Variants in SAMTOR observed in about 807,000 individuals in gnomAD.
SAMTOR encodes the protein UPF0532 protein C7orf60.
At chr7:112,833,201 T>A in the SAMTOR span, among the ~76,000 whole-genome samples, 1 of 152,166 alleles carries the variant, frequency 6.6e-6, no homozygotes, top group African/African-American at 2.4e-5. Flanking sequence ...TCACATGCTA[T>A]GTAGTCTCTG....
the SAMTOR span, among the ~76,000 whole-genome samples, chr7:112,931,374 GGT>G: frequency 6.6e-6 from 1 of 151,286 alleles, no homozygotes; most frequent in East Asian, 1.9e-4. Context: ...ACTGGCTCAC[GGT>G]GTATCTTCTG....
chr7:112,854,343 G>A, the SAMTOR span, among the ~76,000 whole-genome samples: 1 of 152,070 alleles, frequency 6.6e-6, no homozygotes. Flanking sequence ...GTGTTTTGGT[G>A]ATTAGGAAAT....
chr7:112,830,547 C>G, the SAMTOR span, among the ~76,000 whole-genome samples: 1 of 152,154 alleles, frequency 6.6e-6, no homozygotes, highest in Non-Finnish European at 1.5e-5. Flanking sequence ...AAGAACATCT[C>G]TCATGTATAT....
At chr7:112,843,700 T>C in the SAMTOR span, among the ~76,000 whole-genome samples, 7 of 151,988 alleles carry the variant, frequency 4.6e-5, no homozygotes, top group African/African-American at 1.4e-4. Flanking sequence ...CACAGAATTC[T>C]ACAGCTGTAG....
the SAMTOR span, among the ~76,000 whole-genome samples, chr7:112,861,398 T>C: frequency 6.6e-6 from 1 of 152,158 alleles, no homozygotes; most frequent in Admixed American, 6.5e-5. Context: ...TCCCAGTTAC[T>C]TGAGAGGCTG....
chr7:112,828,662 G>A, the SAMTOR span, among the ~76,000 whole-genome samples: 1 of 152,294 alleles, frequency 6.6e-6, no homozygotes, highest in East Asian at 1.9e-4. Flanking sequence ...TCTTTAAAGA[G>A]TTTAAACAAC....
chr7:112,911,905 A>G, the SAMTOR span, among the ~76,000 whole-genome samples: 1 of 151,890 alleles, frequency 6.6e-6, no homozygotes, highest in South Asian at 2.1e-4. Flanking sequence ...AATGTGGGAT[A>G]TTCTACAAAT....
At chr7:112,939,835 G>C in the SAMTOR span, 2 of 1,084,420 alleles carry the variant, frequency 1.8e-6, no homozygotes, top group Non-Finnish European at 2.6e-6. Flanking sequence ...GGAGGGAGCT[G>C]CGGAGGCAGC....
the SAMTOR span, among the ~76,000 whole-genome samples, chr7:112,843,039 T>G: frequency 6.6e-6 from 1 of 152,062 alleles, no homozygotes; most frequent in Non-Finnish European, 1.5e-5. Context: ...AAATAAAACT[T>G]CTTTGCCAAT....
At chr7:112,914,335 T>A in the SAMTOR span, among the ~76,000 whole-genome samples, 3 of 149,630 alleles carry the variant, frequency 2.0e-5, no homozygotes, top group Non-Finnish European at 4.4e-5. Flanking sequence ...ATAGGTAAAT[T>A]GCACGTCACA....
At chr7:112,838,544 G>C in the SAMTOR span, among the ~76,000 whole-genome samples, 1 of 151,900 alleles carries the variant, frequency 6.6e-6, no homozygotes, top group Admixed American at 6.6e-5. Flanking sequence ...CTTTAAGTAT[G>C]AGATGGGATG....
the SAMTOR span, among the ~76,000 whole-genome samples, chr7:112,886,613 C>G: frequency 6.6e-6 from 1 of 152,156 alleles, no homozygotes; most frequent in Non-Finnish European, 1.5e-5. Context: ...ATGTTTGAGC[C>G]GTACAAAGTC....
At chr7:112,927,272 T>TA in the SAMTOR span, among the ~76,000 whole-genome samples, 1 of 152,092 alleles carries the variant, frequency 6.6e-6, no homozygotes, top group Admixed American at 6.5e-5. Flanking sequence ...AGGATTTTTT[T>TA]ATCACTTAGT....
At chr7:112,821,676 T>C in the SAMTOR span, 7 of 1,423,068 alleles carry the variant, frequency 4.9e-6, no homozygotes, top group Non-Finnish European at 6.6e-6. Context: ...GAGTTCATGT[T>C]AGTATTTCCA....
the SAMTOR span, among the ~76,000 whole-genome samples, chr7:112,849,895 T>C: frequency 0.011 from 1,626 of 152,312 alleles, 30 homozygotes; most frequent in African/African-American, 0.037. Flanking sequence ...GAATGACATT[T>C]ATTGATTGCA....
the SAMTOR span, chr7:112,832,445 TCTC>T: frequency 3.1e-6 from 2 of 652,634 alleles, no homozygotes. Flanking sequence ...TTTTGAAATC[TCTC>T]CTCAATGGGT....
At chr7:112,892,451 G>C in the SAMTOR span, among the ~76,000 whole-genome samples, 3 of 152,060 alleles carry the variant, frequency 2.0e-5, no homozygotes, top group Non-Finnish European at 4.4e-5. Context: ...GACAACTACA[G>C]CCTTACAAAA....
At chr7:112,926,298 T>C in the SAMTOR span, among the ~76,000 whole-genome samples, 1 of 152,230 alleles carries the variant, frequency 6.6e-6, no homozygotes, top group African/African-American at 2.4e-5. Context: ...TGTCACTATA[T>C]ACTTTGAAAC....
chr7:112,881,941 G>A, the SAMTOR span, among the ~76,000 whole-genome samples: 2 of 152,254 alleles, frequency 1.3e-5, no homozygotes, highest in African/African-American at 4.8e-5. Context: ...AAGGAGAGAA[G>A]AGCTGCGGCC....
Sources: allele counts gnomAD v4.1 joint callset (sites outside exome capture counted in the v4.1 genomes callset), GRCh38; gene constraint gnomAD v4.1.1; transcripts MANE v1.5; gene names NCBI Gene and HGNC (gene_info 2026-07-23, HGNC 2026-07-21).